Variants in RSRC2 observed in about 807,000 individuals in gnomAD.
RSRC2 encodes arginine/serine-rich coiled-coil protein 2.
In RSRC2, 5 loss-of-function variants were observed where a neutral mutation model predicts 61.3. The ratio of observed to expected loss-of-function variants is 0.08; its 90% CI spans 0.04 to 0.17. The LOEUF (loss-of-function observed/expected upper bound fraction) is 0.17. Among genes scored for constraint, RSRC2 ranks in the 10% least tolerant of loss-of-function variants. The pLI is 1.00. For synonymous variants in RSRC2, 202 were observed against 166.5 expected, an observed-to-expected ratio of 1.21 and a Z score of -1.64; for missense variants, 381 against 518.8, an observed-to-expected ratio of 0.73 and a Z score of 2.58.
intron 1 of RSRC2, among the ~76,000 whole-genome samples, chr12:122,523,951 TA>T (rs1295169885): frequency 2.6e-5 from 4 of 152,200 alleles, no homozygotes; most frequent in Non-Finnish European, 5.9e-5. Context: ...GTTATTCCTC[TA>T]ACAATGGCAC....
At chr12:122,509,506 G>C (rs1401202467) in intron 7 of RSRC2, among the ~76,000 whole-genome samples, 2 of 151,372 alleles carry the variant, frequency 1.3e-5, no homozygotes, top group African/African-American at 4.8e-5. Flanking sequence ...ACAGTATGCA[G>C]GTATTATGCT....
rs1958671618 is a variant in RSRC2, at chr12:122,513,290, G to T, written c.725+1815C>A. Among the ~76,000 whole-genome samples the T allele has an allele frequency of 2.6e-5, 4 of 151,100 alleles. No individual in the cohort carries two copies. In the South Asian group the frequency reaches 8.3e-4, roughly 31 times the overall value. On this transcript the variant is annotated intron_variant, in intron 6 of 9. Transcript: ENST00000331738. Reference sequence around the variant, plus strand: ...AATAAAAAAAGTAGGTCACAGATCTGAAATGTATTTCCTAAACAGTTTTAA... The same window carrying T: ...AATAAAAAAAGTAGGTCACAGATCTTAAATGTATTTCCTAAACAGTTTTAA...
At chr12:122,512,348 A>T (rs1958585631) in intron 6 of RSRC2, among the ~76,000 whole-genome samples, 1 of 152,228 alleles carries the variant, frequency 6.6e-6, no homozygotes. Flanking sequence ...TGTGGTATAA[A>T]GGGGACAGGA....
chr12:122,514,780 A>C, intron 6 of RSRC2: 1 of 1,031,418 alleles, frequency 9.7e-7, no homozygotes, highest in Non-Finnish European at 1.3e-6. Context: ...TTAGATGAGA[A>C]AATAATAGTT....
intron 6 of RSRC2, among the ~76,000 whole-genome samples, chr12:122,511,879 T>A (rs531772232): frequency 1.3e-5 from 2 of 152,334 alleles, no homozygotes. Context: ...CGACCTTGGC[T>A]CACTGCAACC....
At position 122,515,189 on chromosome 12, in the gene RSRC2, C is replaced by A. The variant is rs1958813217; in HGVS notation, c.641G>T (p.Ser214Ile). 6.2e-7 allele frequency: 1 copy of A among 1,614,090 alleles called. No homozygotes were observed. The highest frequency in any genetic ancestry group is 1.3e-5 in the African/African-American group (1 of 75,048). ...KKRIEKPRRFSRSLSRTPSPP... is the reference protein window; with the variant it reads ...KKRIEKPRRFIRSLSRTPSPP... ...ACTTGGAGTCCGGCTTAAACTTCTG[C>A]TAAATCTTCTCGGCTTTTCAATTCT... The change falls in exon 6 of 10, where the codon AGC becomes ATC. Residue 214 changes from serine (S) to isoleucine (I), a missense_variant. Physicochemically the swap from Ser to Ile is moderately radical, Grantham distance 142. This residue lies in a region of RSRC2 where 266 missense variants were observed against 270.5 expected (regional missense o/e 0.98). Transcript: ENST00000331738.
intron 9 of RSRC2, 123 bp from the exon 10 acceptor site, chr12:122,505,829 A>G (rs1257195348): frequency 2.6e-6 from 2 of 762,432 alleles, no homozygotes; most frequent in African/African-American, 1.8e-5. Flanking sequence ...TCCCGTCTGG[A>G]GTGCAGTGGT....
chr12:122,526,795 T>G, intron 1 of RSRC2, 53 bp downstream of exon 1: 1 of 1,606,518 alleles, frequency 6.2e-7, no homozygotes, highest in Non-Finnish European at 8.5e-7. Flanking sequence ...TCACCCACTG[T>G]TGGAACGTAG....
rs2137424851 is a variant in RSRC2, at chr12:122,508,302, G to A, written c.951C>T (p.Tyr317=). The A allele has an allele frequency of 1.9e-6, 3 of 1,614,108 alleles. No individual in the cohort carries two copies. In the South Asian group the frequency reaches 3.3e-5, roughly 18 times the overall value. The change falls in exon 8 of 10, where the codon TAC becomes TAT. Residue 317 remains tyrosine, a synonymous_variant. Coordinates refer to ENST00000331738, the MANE Select transcript of RSRC2 (RefSeq NM_023012.6). ...LAETGIAVPS[Y]YNPAAVNPMK... is the part of the protein sequence containing the mutation. Reference sequence around the variant, plus strand: ...TTGGATTAACAGCGGCTGGGTTATAGTAGCTAGGAACAGCTATTCCTGTCT... The same window carrying A: ...TTGGATTAACAGCGGCTGGGTTATAATAGCTAGGAACAGCTATTCCTGTCT...
chr12:122,509,482 A>C (rs1029158085), intron 7 of RSRC2, among the ~76,000 whole-genome samples: 35 of 151,776 alleles, frequency 2.3e-4, no homozygotes, highest in Non-Finnish European at 2.9e-4. Context: ...ACAAAAAAAA[A>C]CCCAAAAACA....
chr12:122,515,048 C>T lies in RSRC2; in HGVS notation c.725+57G>A, dbSNP rs190743947. 255 of 1,565,590 alleles carry T rather than the reference C, an allele frequency of 1.6e-4. 2 individuals are homozygous for T. In the East Asian group the frequency reaches 4.9e-3, roughly 30 times the overall value. On this transcript the variant is annotated intron_variant, in intron 6 of 9. Coordinates refer to ENST00000331738, the MANE Select transcript of RSRC2 (RefSeq NM_023012.6). ...ACTGAAAGAATTCATCTTATCCACACAATTGAGCATTTATTTAAAGGCGAA... is the reference window on the plus strand; with the variant it reads ...ACTGAAAGAATTCATCTTATCCACATAATTGAGCATTTATTTAAAGGCGAA...
Position 122,506,614 on chromosome 12 carries a change from G to GTC in RSRC2, c.1125+218_1125+219dup, listed in dbSNP as rs771476821. On this transcript the variant is annotated intron_variant, in intron 9 of 9. Transcript: ENST00000331738. ...GACAGAGCAAGCAGAGCAAAACCCCGTCTCTCTCTCTCTCTCCAAGTGTGT... is the reference window on the plus strand; with the variant it reads ...GACAGAGCAAGCAGAGCAAAACCCCGTCTCTCTCTCTCTCTCTCCAAGTGTGT... 721 of 437,638 alleles carry GTC rather than the reference G, an allele frequency of 1.6e-3. 4 individuals are homozygous for GTC. The highest frequency in any genetic ancestry group is 7.3e-3 in the African/African-American group (358 of 48,996). The allele number at this position is 437,638 out of a possible 1,614,324, so 27.1% of individuals were successfully genotyped here. A position where few individuals can be genotyped will look rare whatever the true frequency, so the allele number is the denominator to read the frequency against.
At chr12:122,524,728 A>G (rs1009827008) in intron 1 of RSRC2, among the ~76,000 whole-genome samples, 2 of 152,236 alleles carry the variant, frequency 1.3e-5, no homozygotes, top group African/African-American at 4.8e-5. Flanking sequence ...TTCCCTGAGG[A>G]TATTTTATAG....
chr12:122,516,075 A>C (rs1035714180), intron 5 of RSRC2, among the ~76,000 whole-genome samples: 1 of 152,204 alleles, frequency 6.6e-6, no homozygotes, highest in African/African-American at 2.4e-5. Context: ...GTAGTAAACT[A>C]CTATAAACTA....
intron 7 of RSRC2, among the ~76,000 whole-genome samples, chr12:122,508,984 C>CT: frequency 6.6e-6 from 1 of 151,922 alleles, no homozygotes; most frequent in East Asian, 1.9e-4. Flanking sequence ...CATTTATTTA[C>CT]TTTGAGGATA....
chr12:122,506,788 G>A (rs1593353565), intron 9 of RSRC2, 46 bp downstream of exon 9: 10 of 1,125,802 alleles, frequency 8.9e-6, no homozygotes, highest in Non-Finnish European at 1.4e-5. Flanking sequence ...CAGTGCAGGA[G>A]GGCTAATAGC....
rs746103102 is a variant in RSRC2 at position 122,526,888 on chromosome 12, A to G, written c.-35T>C. The G allele has an allele frequency of 5.6e-6, 9 of 1,613,776 alleles. No individual in the cohort carries two copies. The highest frequency in any genetic ancestry group is 1.6e-4 in the Middle Eastern group (1 of 6,082). On this transcript the variant is annotated 5_prime_UTR_variant, in exon 1 of 10. Coordinates refer to ENST00000331738, the MANE Select transcript of RSRC2 (RefSeq NM_023012.6). ...TCCCGGCCGCTAGAGCGGCGCCTCC[A>G]CTTGTCGCTTTCAACAGTACCGGCC... is the stretch of plus-strand genomic sequence containing the variant.
chr12:122,511,581 G>C (rs369373820), intron 6 of RSRC2, among the ~76,000 whole-genome samples: 3 of 152,134 alleles, frequency 2.0e-5, no homozygotes, highest in African/African-American at 7.2e-5. Flanking sequence ...AAAGCCAGCC[G>C]ATCAAGACAT....
At chr12:122,517,516 C>T (rs757933670) in intron 4 of RSRC2, 86 bp from the exon 5 acceptor site, 17 of 1,522,804 alleles carry the variant, frequency 1.1e-5, no homozygotes, top group African/African-American at 5.5e-5. Context: ...CTTGTAGTAA[C>T]GCAATAAAGA....
Sources: allele counts gnomAD v4.1 joint callset (sites outside exome capture counted in the v4.1 genomes callset), GRCh38; gene constraint gnomAD v4.1.1; regional missense constraint gnomAD v4.1.1; transcripts MANE v1.5; gene names NCBI Gene and HGNC (gene_info 2026-07-23, HGNC 2026-07-21).